Variants in SUPT3H observed in about 807,000 individuals in gnomAD.
SUPT3H encodes the protein SPT3 homolog, SAGA and STAGA complex component, also known as transcription initiation protein SPT3 homolog.
Under a neutral mutation model 44.3 loss-of-function variants are expected in SUPT3H, and 44 were observed. The observed-to-expected ratio is 0.99, with a 90% CI of 0.78 to 1.28. The LOEUF (loss-of-function observed/expected upper bound fraction) is 1.28, where lower values mean the gene tolerates loss of function less well. Ranked by LOEUF, SUPT3H falls within the 50% of genes most tolerant of loss-of-function variation. The pLI, the probability that SUPT3H is intolerant of heterozygous loss-of-function variation, is 0.00. For synonymous variants in SUPT3H, 124 were observed against 125.6 expected, an observed-to-expected ratio of 0.99 and a Z score of 0.09; for missense variants, 380 against 387.1, an observed-to-expected ratio of 0.98 and a Z score of 0.15.
intron 2 of SUPT3H, among the ~76,000 whole-genome samples, chr6:45,358,547 T>C (rs1331770136): frequency 6.6e-6 from 1 of 152,196 alleles, no homozygotes; most frequent in African/African-American, 2.4e-5. Flanking sequence ...ATGTTGATGA[T>C]GATATTTATT....
chr6:44,956,496 AT>A (rs1562131482), intron 7 of SUPT3H, among the ~76,000 whole-genome samples: 1,057 of 7,730 alleles, frequency 0.14, 90 homozygotes, highest in South Asian at 0.25. Context: ...AAAAAAAAAA[AT>A]AAAAATAAAA....
intron 10 of SUPT3H, among the ~76,000 whole-genome samples, chr6:44,861,286 G>C (rs1774615552): frequency 6.6e-6 from 1 of 152,082 alleles, no homozygotes; most frequent in African/African-American, 2.4e-5. Flanking sequence ...ATGTTGCCCA[G>C]GCTAATCTCA....
At chr6:44,962,837 A>T (rs1195181993) in intron 6 of SUPT3H, among the ~76,000 whole-genome samples, 4 of 152,026 alleles carry the variant, frequency 2.6e-5, no homozygotes, top group Admixed American at 2.6e-4. Flanking sequence ...ATTACTAGTC[A>T]CTACCGTGGT....
At chr6:45,351,322 G>A (rs1792000658) in intron 2 of SUPT3H, among the ~76,000 whole-genome samples, 2 of 151,864 alleles carry the variant, frequency 1.3e-5, no homozygotes, top group South Asian at 4.2e-4. Context: ...AACTTCCTAT[G>A]CATTCTACTA....
chr6:44,978,921 A>G (rs986737418), intron 6 of SUPT3H, among the ~76,000 whole-genome samples: 25 of 152,198 alleles, frequency 1.6e-4, no homozygotes, highest in African/African-American at 6.0e-4. Context: ...ACAGAAATCC[A>G]CACAATGAAA....
chr6:44,995,399 A>G (rs1781140568), intron 6 of SUPT3H, among the ~76,000 whole-genome samples: 1 of 152,068 alleles, frequency 6.6e-6, no homozygotes, highest in Admixed American at 6.6e-5. Context: ...ACTGTCTTGC[A>G]TCTAGAAACA....
chr6:45,113,851 A>T lies in SUPT3H; in HGVS notation c.102-7845T>A, dbSNP rs79547851. 6.9e-3 allele frequency among the ~76,000 whole-genome samples: 1,029 copies of T among 149,074 alleles called. 15 individuals are homozygous for T. The highest frequency in any genetic ancestry group is 0.025 in the African/African-American group (971 of 39,318). On this transcript the variant is annotated intron_variant, in intron 2 of 10. Coordinates refer to ENST00000371459, the MANE Select transcript of SUPT3H (RefSeq NM_003599.4). ...TCAAAAAAAAAAAAAAAAAAAATCA[A>T]ATAAACATCTAAGACAACAGATTTC... is the stretch of plus-strand genomic sequence containing the variant.
chr6:44,984,409 A>G (rs1779498328), intron 6 of SUPT3H, among the ~76,000 whole-genome samples: 1 of 152,164 alleles, frequency 6.6e-6, no homozygotes, highest in African/African-American at 2.4e-5. Context: ...TTTTTATTTT[A>G]TTGGTGTCTG....
chr6:45,218,506 G>A (rs1286656326), intron 2 of SUPT3H, among the ~76,000 whole-genome samples: 1 of 152,190 alleles, frequency 6.6e-6, no homozygotes, highest in Non-Finnish European at 1.5e-5. Context: ...GAGGCAGGTG[G>A]ATCACCTGAA....
chr6:45,357,078 C>G (rs1456962866), intron 2 of SUPT3H, among the ~76,000 whole-genome samples: 1 of 151,878 alleles, frequency 6.6e-6, no homozygotes, highest in Non-Finnish European at 1.5e-5. Context: ...ACGATCTCGG[C>G]TCACTGCAAG....
At chr6:45,058,360 A>G (rs1025254452) in intron 3 of SUPT3H, among the ~76,000 whole-genome samples, 4 of 152,158 alleles carry the variant, frequency 2.6e-5, no homozygotes, top group South Asian at 4.1e-4. Context: ...ACTAATAACT[A>G]TAATTTATAT....
At chr6:45,350,946 G>A (rs537306397) in intron 2 of SUPT3H, among the ~76,000 whole-genome samples, 1 of 152,226 alleles carries the variant, frequency 6.6e-6, no homozygotes, top group East Asian at 1.9e-4. Flanking sequence ...CCTCGTGTCA[G>A]ATCAGTAGCA....
At chr6:45,286,482 C>T (rs999611254) in intron 2 of SUPT3H, among the ~76,000 whole-genome samples, 2 of 152,066 alleles carry the variant, frequency 1.3e-5, no homozygotes, top group Non-Finnish European at 1.5e-5. Context: ...CCAAAAGACA[C>T]GTGAAAAAAT....
chr6:45,177,638 T>TGAA (rs1472249271), intron 2 of SUPT3H, among the ~76,000 whole-genome samples: 2 of 150,812 alleles, frequency 1.3e-5, no homozygotes, highest in African/African-American at 2.4e-5. Context: ...AAAGTTGAAA[T>TGAA]GAAGGAAAAA....
rs1219574888 is a variant in SUPT3H at position 44,828,767 on chromosome 6, TAGAA to T, written c.*1045_*1048del. Reference sequence around the variant, plus strand: ...CTCATTTCTGTTTTTATTAATTCTTTAGAAAGAGTGTTTCAAGTATGTGTAAAAA... The same window carrying T: ...CTCATTTCTGTTTTTATTAATTCTTTAGAGTGTTTCAAGTATGTGTAAAAA... On this transcript the variant is annotated 3_prime_UTR_variant, in exon 11 of 11. Transcript: ENST00000371459. 4 of 152,564 alleles carry T rather than the reference TAGAA, an allele frequency of 2.6e-5. No homozygotes were observed. Among genetic ancestry groups the T allele is most frequent in the Admixed American group, 6.5e-5 (1 of 15,280 alleles). 9.5% of individuals were successfully genotyped at this position (152,564 alleles called of 1,614,324 possible).
chr6:45,036,570 TCTAA>T (rs1391422631), intron 3 of SUPT3H, among the ~76,000 whole-genome samples: 1 of 152,134 alleles, frequency 6.6e-6, no homozygotes, highest in Non-Finnish European at 1.5e-5. Context: ...GCCATTTCAT[TCTAA>T]CTGTTTAAGT....
In SUPT3H at chr6:44,956,850, C is replaced by T. The variant is rs149142650; in HGVS notation, c.581-2243G>A. ...CTAGCCATTTATTGAACACTGATAC[C>T]ATCAGATATTCTTTCACAAATGCTT... On this transcript the variant is annotated intron_variant, in intron 7 of 10. Coordinates refer to ENST00000371459, the MANE Select transcript of SUPT3H (RefSeq NM_003599.4). Among the ~76,000 whole-genome samples the T allele has an allele frequency of 4.1e-3, 624 of 152,256 alleles. 5 individuals are homozygous for T. Among genetic ancestry groups the T allele is most frequent in the African/African-American group, 0.014 (585 of 41,552 alleles).
At chr6:45,012,007 G>A (rs1159013765) in intron 5 of SUPT3H, among the ~76,000 whole-genome samples, 1 of 151,038 alleles carries the variant, frequency 6.6e-6, no homozygotes, top group Non-Finnish European at 1.5e-5. Context: ...ACTGCCTTCT[G>A]ATTGCTATGT....
chr6:45,318,964 A>G (rs894283090), intron 2 of SUPT3H, among the ~76,000 whole-genome samples: 2 of 152,190 alleles, frequency 1.3e-5, no homozygotes, highest in Non-Finnish European at 2.9e-5. Flanking sequence ...AATCTTCCCT[A>G]CATAAATATT....
Sources: gnomAD v4.1 joint callset for allele counts (sites outside exome capture counted in the v4.1 genomes callset) on GRCh38, gnomAD v4.1.1 for gene constraint, MANE v1.5 for transcripts, NCBI Gene and HGNC (gene_info 2026-07-23, HGNC 2026-07-21) for gene names.